Variants in HOMER2 observed in about 807,000 individuals in gnomAD.
The protein encoded by HOMER2 is homer scaffold protein 2, also known as homer protein homolog 2.
In HOMER2, 27 loss-of-function variants were observed where a neutral mutation model predicts 47.0. That is an observed-to-expected ratio of 0.57 (90% confidence interval 0.42 to 0.79). The LOEUF is 0.79. HOMER2 is among the 30% of genes least tolerant of loss of function. The probability of loss-of-function intolerance (pLI) is 0.00; values close to 1 mark genes in which losing one functional copy is unlikely to be tolerated. For missense variants in HOMER2, 443 were observed against 435.0 expected (o/e 1.02, Z -0.16); for synonymous variants, 161 against 163.8 (o/e 0.98, Z 0.13).
At chr15:82,940,813 T>A (rs1346851910) in intron 1 of HOMER2, among the ~76,000 whole-genome samples, 1 of 151,718 alleles carries the variant, frequency 6.6e-6, no homozygotes, top group Admixed American at 6.6e-5. Flanking sequence ...GGATCGCTTG[T>A]GCCCAGAGGT....
intron 2 of HOMER2, among the ~76,000 whole-genome samples, chr15:82,881,513 C>A (rs1176296439): frequency 6.6e-6 from 1 of 152,104 alleles, no homozygotes; most frequent in Admixed American, 6.5e-5. Flanking sequence ...AAATTTAAAA[C>A]AACAACAACA....
At chr15:82,946,808 A>G (rs2054393565) in intron 1 of HOMER2, among the ~76,000 whole-genome samples, 2 of 152,310 alleles carry the variant, frequency 1.3e-5, no homozygotes, top group South Asian at 4.1e-4. Context: ...AATTCTGTGT[A>G]TTCTTCCAGT....
At chr15:82,977,519 A>G (rs573130078) in intron 1 of HOMER2, among the ~76,000 whole-genome samples, 1 of 151,880 alleles carries the variant, frequency 6.6e-6, no homozygotes, top group Non-Finnish European at 1.5e-5. Flanking sequence ...CAGAGCCTCA[A>G]ATCAGTTTTA....
chr15:82,869,769 T>C (rs1031613179), intron 3 of HOMER2, among the ~76,000 whole-genome samples: 2 of 152,162 alleles, frequency 1.3e-5, no homozygotes, highest in African/African-American at 4.8e-5. Context: ...CTATTACACA[T>C]CTTGATCGCT....
intron 1 of HOMER2, among the ~76,000 whole-genome samples, chr15:82,945,840 G>C (rs1027417729): frequency 6.6e-6 from 1 of 152,018 alleles, no homozygotes; most frequent in African/African-American, 2.4e-5. Flanking sequence ...TGTGGTGGCA[G>C]GCGCCTGTAG....
chr15:82,975,114 G>A (rs1268988570), intron 1 of HOMER2, among the ~76,000 whole-genome samples: 1 of 152,140 alleles, frequency 6.6e-6, no homozygotes, highest in African/African-American at 2.4e-5. Flanking sequence ...ATGAAAAGGT[G>A]CTCAACATCA....
intron 1 of HOMER2, among the ~76,000 whole-genome samples, chr15:82,971,630 TTTAAA>T: frequency 6.6e-6 from 1 of 152,324 alleles, no homozygotes; most frequent in South Asian, 2.1e-4. Flanking sequence ...TATTTAAAAT[TTTAAA>T]TAGATTTTAG....
intron 1 of HOMER2, among the ~76,000 whole-genome samples, chr15:82,965,224 G>T (rs2054662851): frequency 6.6e-6 from 1 of 152,054 alleles, no homozygotes; most frequent in Non-Finnish European, 1.5e-5. Context: ...TCACTATGTT[G>T]CCCAGGCTCG....
At chr15:82,841,537 T>A (rs1006738578) in exon 2 of HOMER2, 2 of 108,384 alleles carry the variant, frequency 1.8e-5, no homozygotes, top group African/African-American at 5.9e-5. Flanking sequence ...AAAAATTTGA[T>A]ATATATATAT....
At chr15:82,849,991 C>T (rs1015996090) in intron 8 of HOMER2, 88 bp from the exon 9 acceptor site, 43 of 1,365,288 alleles carry the variant, frequency 3.1e-5, no homozygotes, top group Non-Finnish European at 4.4e-5. Flanking sequence ...AACCATTCTC[C>T]ATCCAATCTG....
At position 82,875,191 on chromosome 15, in the gene HOMER2, G is replaced by C; in HGVS notation, c.294+82C>G. ...ACCAGAAAGGAATCCTGCTCACCAA[G>C]GGCACATCCCTCGGCGGGCAATCAC... On this transcript the variant is annotated intron_variant, in intron 3 of 8. Coordinates refer to ENST00000450735, the MANE Select transcript of HOMER2 (RefSeq NM_004839.4). 8.6e-6 allele frequency: 13 copies of C among 1,504,368 alleles called. 1 individual carries two copies. The South Asian group carries it at 1.2e-4, about 14-fold the overall frequency. The allele number at this position is 1,504,368 out of a possible 1,614,324, so 93.2% of individuals were successfully genotyped here.
intron 1 of HOMER2, among the ~76,000 whole-genome samples, chr15:82,933,812 C>G (rs759131333): frequency 6.6e-6 from 1 of 152,294 alleles, no homozygotes; most frequent in Non-Finnish European, 1.5e-5. Context: ...TCACCTTCCA[C>G]TCGAAATCCC....
At chr15:82,899,228 T>C (rs1838935917) in intron 1 of HOMER2, among the ~76,000 whole-genome samples, 1 of 152,264 alleles carries the variant, frequency 6.6e-6, no homozygotes, top group Non-Finnish European at 1.5e-5. Flanking sequence ...TCCCAGCCAA[T>C]GCATGTGCCC....
chr15:82,898,590 T>C (rs1316398167), intron 1 of HOMER2: 4 of 152,356 alleles, frequency 2.6e-5, no homozygotes, highest in Admixed American at 2.0e-4. Context: ...TTGCTGTTCA[T>C]TGAACACATT....
chr15:82,839,898 C>T (rs2051159523), exon 2 of HOMER2: 1 of 152,146 alleles, frequency 6.6e-6, no homozygotes, highest in Admixed American at 6.5e-5. Context: ...AAGAAAACAT[C>T]CATGATCTCC....
upstream of HOMER2, among the ~76,000 whole-genome samples, chr15:82,957,500 T>G (rs1242829262): frequency 6.6e-6 from 1 of 152,180 alleles, no homozygotes; most frequent in Non-Finnish European, 1.5e-5. Context: ...TTGAGGATTC[T>G]CAATCTGCCC....
chr15:82,933,946 G>C (rs950468205), intron 1 of HOMER2, among the ~76,000 whole-genome samples: 2 of 152,054 alleles, frequency 1.3e-5, no homozygotes, highest in African/African-American at 4.8e-5. Flanking sequence ...GCAACACGCA[G>C]AGTTCTCCCT....
At chr15:82,842,141 A>G (rs374926393) in exon 2 of HOMER2, 94 of 152,322 alleles carry the variant, frequency 6.2e-4, no homozygotes, top group African/African-American at 2.2e-3. Flanking sequence ...TAAAAAAATC[A>G]CCTATACTAG....
At chr15:82,843,866 C>G (rs529294272) in exon 2 of HOMER2, 1 of 152,304 alleles carries the variant, frequency 6.6e-6, no homozygotes, top group East Asian at 1.9e-4. Flanking sequence ...TTTATTGTTG[C>G]AACAGGATAT....
Sources: allele counts gnomAD v4.1 joint callset (sites outside exome capture counted in the v4.1 genomes callset), GRCh38; gene constraint gnomAD v4.1.1; transcripts MANE v1.5; gene names NCBI Gene and HGNC (gene_info 2026-07-23, HGNC 2026-07-21).